ADD1: variants seen among roughly 807,000 people sequenced by gnomAD.
The protein encoded by ADD1 is alpha-adducin.
ADD1 carries 24 observed loss-of-function variants against 80.5 expected under a neutral mutation model. The observed-to-expected ratio is 0.30, with a 90% CI of 0.22 to 0.42. ADD1 has a LOEUF of 0.42. Ranked by LOEUF, ADD1 falls within the 10% of genes least tolerant of loss-of-function variation. The probability of loss-of-function intolerance (pLI) is 1.00; values close to 1 mark genes in which losing one functional copy is unlikely to be tolerated. For synonymous variants in ADD1, 373 were observed against 393.8 expected (o/e 0.95, Z 0.63); for missense variants, 948 against 1,019.0 (o/e 0.93, Z 0.95).
rs772281377 is a variant in ADD1 at position 2,928,173 on chromosome 4, C to G, written c.2050C>G (p.Leu684Val). Residue 684 changes from leucine (L) to valine (V), a missense_variant and splice_region_variant, in exon 16 of 16, where the codon CTT becomes GTT. Coordinates refer to ENST00000683351, the MANE Select transcript of ADD1 (RefSeq NM_001354761.2). ...PSTPIKLEED[L>V]VPEPTTGDDS... ...CCATCTCTCACCTCACCCACTAGAC[C>G]TTGTGCCGGAGCCGACTACTGGAGA... The G allele has an allele frequency of 6.2e-7, 1 of 1,613,878 alleles. No homozygotes were observed. Among genetic ancestry groups the G allele is most frequent in the Non-Finnish European group, 8.5e-7 (1 of 1,179,928 alleles).
intron 8 of ADD1, chr4:2,898,777 T>C (rs1245099853): frequency 4.0e-6 from 2 of 501,880 alleles, no homozygotes; most frequent in Non-Finnish European, 7.2e-6. Context: ...CTACCATTTA[T>C]GGAGTACTGG....
At position 2,864,282 on chromosome 4, in the gene ADD1, G is replaced by C. The variant is rs889379519; in HGVS notation, c.-20-11614G>C. ...CAAAAAATTAGCTGGGCGTGGTGGC[G>C]TGTGCCCGTAGTCCCAGCTGTTCGG... On this transcript the variant is annotated intron_variant, in intron 1 of 15. Transcript: ENST00000683351. 2.6e-5 allele frequency among the ~76,000 whole-genome samples: 4 copies of C among 152,142 alleles called. 1 individual carries two copies. Among genetic ancestry groups the C allele is most frequent in the Admixed American group, 2.6e-4 (4 of 15,270 alleles).
At chr4:2,908,454 G>T in intron 11 of ADD1, 61 bp from the exon 12 acceptor site, 1 of 1,473,874 alleles carries the variant, frequency 6.8e-7, no homozygotes, top group Non-Finnish European at 9.5e-7. Flanking sequence ...CAAGCAGCAG[G>T]GCTCCCAGGC....
At chr4:2,921,426 C>T (rs1238611669) in intron 14 of ADD1, among the ~76,000 whole-genome samples, 2 of 152,294 alleles carry the variant, frequency 1.3e-5, no homozygotes, top group Non-Finnish European at 2.9e-5. Flanking sequence ...CTGCACCCGG[C>T]CGAAAATTCT....
At chr4:2,917,215 A>G (rs768151537) in intron 14 of ADD1, among the ~76,000 whole-genome samples, 1 of 152,136 alleles carries the variant, frequency 6.6e-6, no homozygotes, top group Non-Finnish European at 1.5e-5. Flanking sequence ...TCGCTTTTTA[A>G]TGATCGCCAC....
chr4:2,859,923 AT>A (rs34830388), intron 1 of ADD1, among the ~76,000 whole-genome samples: 33,531 of 142,144 alleles, frequency 0.24, 4,087 homozygotes, highest in Middle Eastern at 0.31. Flanking sequence ...ATATTGCTCC[AT>A]TTTTTTTTTT....
chr4:2,844,485 T>C (rs1725874706), intron 1 of ADD1: 1 of 152,258 alleles, frequency 6.6e-6, no homozygotes, highest in African/African-American at 2.4e-5. Flanking sequence ...AGAAAAGCCA[T>C]ATCTGCCGAC....
intron 1 of ADD1, among the ~76,000 whole-genome samples, chr4:2,851,458 A>G (rs1214040996): frequency 2.6e-5 from 4 of 152,160 alleles, no homozygotes; most frequent in South Asian, 2.1e-4. Flanking sequence ...AGAGGGAAAG[A>G]CACAGAAGAT....
At chr4:2,905,482 A>G (rs1736896407) in intron 10 of ADD1, 1 of 216,752 alleles carries the variant, frequency 4.6e-6, no homozygotes, top group Admixed American at 5.2e-5. Flanking sequence ...CCTGTATTTT[A>G]GTGTTGTGAA....
intron 1 of ADD1, among the ~76,000 whole-genome samples, chr4:2,862,218 G>A (rs999066687): frequency 2.0e-5 from 3 of 152,208 alleles, no homozygotes; most frequent in Admixed American, 2.0e-4. Context: ...TCCTGAAAGT[G>A]GGAGCAGCTG....
At chr4:2,851,673 T>C (rs774290074) in intron 1 of ADD1, among the ~76,000 whole-genome samples, 27 of 152,194 alleles carry the variant, frequency 1.8e-4, no homozygotes, top group Non-Finnish European at 3.4e-4. Context: ...ATTCAAGTTA[T>C]TGTCACATAG....
At chr4:2,916,824 T>C (rs1233923817) in intron 14 of ADD1, among the ~76,000 whole-genome samples, 1 of 152,232 alleles carries the variant, frequency 6.6e-6, no homozygotes, top group Non-Finnish European at 1.5e-5. Flanking sequence ...CTGAGAATGA[T>C]GGTTTCCAGC....
chr4:2,885,845 T>C (rs569243920), intron 4 of ADD1, among the ~76,000 whole-genome samples: 2,680 of 151,710 alleles, frequency 0.018, 47 homozygotes, highest in African/African-American at 0.047. Flanking sequence ...CTCCTGACCT[T>C]GTGATCCGCC....
intron 1 of ADD1, among the ~76,000 whole-genome samples, chr4:2,865,507 C>A (rs1017486441): frequency 1.3e-5 from 2 of 152,162 alleles, no homozygotes; most frequent in Admixed American, 1.3e-4. Context: ...GTTTATGAGC[C>A]CTTGCTATAA....
intron 1 of ADD1, among the ~76,000 whole-genome samples, chr4:2,874,379 G>T (rs1339459535): frequency 6.6e-6 from 1 of 152,102 alleles, no homozygotes; most frequent in Non-Finnish European, 1.5e-5. Flanking sequence ...GGCCTAGGCG[G>T]GCGGATCACC....
At position 2,926,898 on chromosome 4, in the gene ADD1, C is replaced by T. The variant is rs1461668015; in HGVS notation, c.2047+786C>T. On this transcript the variant is annotated intron_variant, in intron 15 of 15. Transcript: ENST00000683351. The surrounding 1 kb of genome is among the most constrained non-coding windows in gnomAD (Gnocchi z 5.0). ...CGGGTACCTCCACGCACCTAGGTGC[C>T]ATGGAGCACTCTGGGCCTCAGGAGT... 6.6e-6 allele frequency among the ~76,000 whole-genome samples: 1 copy of T among 152,210 alleles called. No homozygotes were observed. The highest frequency in any genetic ancestry group is 1.5e-5 in the Non-Finnish European group (1 of 68,036).
At chr4:2,882,564 C>T (rs1043289846) in intron 3 of ADD1, among the ~76,000 whole-genome samples, 10 of 152,212 alleles carry the variant, frequency 6.6e-5, no homozygotes, top group Admixed American at 5.2e-4. Context: ...GACAAAGCAT[C>T]AACTAATCTG....
At chr4:2,896,485 A>T (rs1391036415) in intron 6 of ADD1, among the ~76,000 whole-genome samples, 2 of 152,036 alleles carry the variant, frequency 1.3e-5, no homozygotes, top group Non-Finnish European at 2.9e-5. Context: ...CTGGGATTAC[A>T]GGCATGAGCC....
chr4:2,903,674 G>A (rs1372698329), intron 9 of ADD1, among the ~76,000 whole-genome samples: 3 of 152,170 alleles, frequency 2.0e-5, no homozygotes, highest in South Asian at 2.1e-4. Flanking sequence ...TGTGAATTCC[G>A]CTACTTAGAA....
Sources: allele counts gnomAD v4.1 joint callset (sites outside exome capture counted in the v4.1 genomes callset), GRCh38; gene constraint gnomAD v4.1.1; non-coding constraint Gnocchi (gnomAD v3.1); transcripts MANE v1.5; gene names NCBI Gene and HGNC (gene_info 2026-07-23, HGNC 2026-07-21).